Variants in MED13L observed in about 807,000 individuals in gnomAD.
The protein encoded by MED13L is mediator complex subunit 13L.
A neutral mutation model predicts 220.9 loss-of-function variants in MED13L; 7 were observed. The observed-to-expected ratio is 0.03, with a 90% CI of 0.02 to 0.06. The LOEUF is 0.06. MED13L is among the 10% of genes least tolerant of loss of function. The pLI is 1.00. For synonymous variants in MED13L, 1,011 were observed against 1,015.2 expected, an observed-to-expected ratio of 1.00 and a Z score of 0.08; for missense variants, 1,965 against 2,760.5, an observed-to-expected ratio of 0.71 and a Z score of 6.46.
intron 1 of MED13L, among the ~76,000 whole-genome samples, chr12:116,242,005 A>T (rs1870694658): frequency 6.6e-6 from 1 of 150,868 alleles, no homozygotes; most frequent in Non-Finnish European, 1.5e-5. Context: ...GACCATGATC[A>T]TATTTATAGT....
intron 7 of MED13L, 116 bp from the exon 8 acceptor site, chr12:116,015,390 C>T (rs894387388): frequency 6.3e-6 from 7 of 1,113,338 alleles, no homozygotes; most frequent in Non-Finnish European, 9.5e-6. Context: ...ATATACATAG[C>T]TTTTTCCCTA....
chr12:116,259,855 A>C (rs191772720), intron 1 of MED13L, among the ~76,000 whole-genome samples: 42 of 152,364 alleles, frequency 2.8e-4, no homozygotes, highest in Admixed American at 2.2e-3. Context: ...AATTACATAA[A>C]ATTGTATAAA....
chr12:116,098,590 A>G (rs1181445332), intron 3 of MED13L, among the ~76,000 whole-genome samples: 2 of 151,988 alleles, frequency 1.3e-5, no homozygotes, highest in African/African-American at 4.8e-5. Context: ...GAATGGTAAT[A>G]GTTTCTGATG....
intron 2 of MED13L, among the ~76,000 whole-genome samples, chr12:116,132,271 C>T (rs1876137834): frequency 8.1e-6 from 1 of 124,188 alleles, no homozygotes; most frequent in African/African-American, 3.2e-5. Flanking sequence ...GAGAGCAATA[C>T]TTCGTCTCAA....
chr12:116,228,232 A>C (rs1235055216), intron 2 of MED13L, among the ~76,000 whole-genome samples: 1 of 152,238 alleles, frequency 6.6e-6, no homozygotes, highest in Non-Finnish European at 1.5e-5. Flanking sequence ...GAGAAGCAGC[A>C]AGTGCTGATG....
In MED13L at chr12:116,237,344, G is replaced by A. The variant is rs554244051; in HGVS notation, c.310+124C>T. ...AGAGGGGTGAGAATGTTCCTTTTGA[G>A]AGAGACATCCATGAAACACTTAAGA... On this transcript the variant is annotated intron_variant, in intron 2 of 30. Coordinates refer to ENST00000281928, the MANE Select transcript of MED13L (RefSeq NM_015335.5). The A allele has an allele frequency of 1.4e-5, 11 of 806,258 alleles. No homozygotes were observed. In the South Asian group the frequency reaches 1.7e-4, roughly 12 times the overall value. 49.9% of individuals were successfully genotyped at this position (806,258 alleles called of 1,614,324 possible).
At chr12:116,059,727 C>A (rs529380976) in intron 4 of MED13L, among the ~76,000 whole-genome samples, 19 of 152,054 alleles carry the variant, frequency 1.2e-4, no homozygotes, top group South Asian at 2.1e-4. Context: ...CTACATAATT[C>A]TTTTACACTG....
chr12:116,137,767 C>T (rs1053611092), intron 2 of MED13L, among the ~76,000 whole-genome samples: 5 of 151,748 alleles, frequency 3.3e-5, no homozygotes, highest in East Asian at 1.9e-4. Flanking sequence ...CTTGTATAAA[C>T]TTGTCTAAAA....
At chr12:116,021,655 T>C (rs1379326364) in intron 5 of MED13L, among the ~76,000 whole-genome samples, 1 of 152,166 alleles carries the variant, frequency 6.6e-6, no homozygotes, top group Non-Finnish European at 1.5e-5. Flanking sequence ...AATATCAGTG[T>C]TTTTTAAAAT....
intron 2 of MED13L, among the ~76,000 whole-genome samples, chr12:116,164,158 C>T (rs986008992): frequency 6.6e-6 from 1 of 152,144 alleles, no homozygotes; most frequent in Non-Finnish European, 1.5e-5. Flanking sequence ...AGTATTTCAT[C>T]ATATATTTCA....
At chr12:116,264,432 T>C (rs1428631966) in intron 1 of MED13L, among the ~76,000 whole-genome samples, 2 of 152,192 alleles carry the variant, frequency 1.3e-5, no homozygotes, top group Non-Finnish European at 2.9e-5. Flanking sequence ...ATTGCTGCAA[T>C]CAACTAACAA....
intron 1 of MED13L, among the ~76,000 whole-genome samples, chr12:116,268,116 G>C (rs1169580865): frequency 6.6e-6 from 1 of 152,168 alleles, no homozygotes; most frequent in African/African-American, 2.4e-5. Context: ...TGAGCACCTA[G>C]CAAAGATGAT....
intron 2 of MED13L, among the ~76,000 whole-genome samples, chr12:116,211,364 AC>A (rs2138352803): frequency 6.6e-6 from 1 of 152,240 alleles, no homozygotes; most frequent in South Asian, 2.1e-4. Flanking sequence ...CATACTGAAT[AC>A]TGCAACTTGA....
chr12:116,064,735 C>A (rs1405736844), intron 4 of MED13L, among the ~76,000 whole-genome samples: 1 of 152,194 alleles, frequency 6.6e-6, no homozygotes, highest in African/African-American at 2.4e-5. Flanking sequence ...GCCAAAAGGG[C>A]AGCTTCTTCT....
At chr12:115,963,682 C>G (rs1302890206) in intron 29 of MED13L, among the ~76,000 whole-genome samples, 163 bp from the exon 30 acceptor site, 2 of 152,004 alleles carry the variant, frequency 1.3e-5, no homozygotes, top group Non-Finnish European at 2.9e-5. Flanking sequence ...CCAAGGTAAT[C>G]CCAAATAACT....
intron 2 of MED13L, among the ~76,000 whole-genome samples, chr12:116,152,816 T>C (rs926177705): frequency 5.3e-5 from 8 of 152,128 alleles, no homozygotes; most frequent in African/African-American, 1.9e-4. Context: ...CAAGAAAAAG[T>C]AGACAAAGTA....
chr12:116,114,617 T>A (rs1053901842), intron 2 of MED13L, among the ~76,000 whole-genome samples: 1 of 152,190 alleles, frequency 6.6e-6, no homozygotes, highest in African/African-American at 2.4e-5. Flanking sequence ...CTATTCCACA[T>A]TATACCTGAA....
chr12:116,012,985 T>C, intron 8 of MED13L, 84 bp from the exon 9 acceptor site: 3 of 947,658 alleles, frequency 3.2e-6, no homozygotes, highest in Non-Finnish European at 5.1e-6. Context: ...TGAATACATT[T>C]CATTCACATA....
chr12:116,022,331 G>C, intron 5 of MED13L, 125 bp downstream of exon 5: 15 of 1,130,154 alleles, frequency 1.3e-5, no homozygotes, highest in Non-Finnish European at 1.8e-5. Flanking sequence ...TTCAAAATCT[G>C]ACCCTTATGC....
Sources: allele counts gnomAD v4.1 joint callset (sites outside exome capture counted in the v4.1 genomes callset), GRCh38; gene constraint gnomAD v4.1.1; transcripts MANE v1.5; gene names NCBI Gene and HGNC (gene_info 2026-07-23, HGNC 2026-07-21).